Variants in VRK2 observed in about 807,000 individuals in gnomAD.
VRK2 encodes the protein VRK serine/threonine kinase 2, also known as serine/threonine-protein kinase VRK2.
A neutral mutation model predicts 57.6 loss-of-function variants in VRK2; 60 were observed. The observed-to-expected ratio is 1.04, with a 90% CI of 0.85 to 1.29. VRK2 has a LOEUF of 1.29. Ranked by LOEUF, VRK2 falls within the 50% of genes most tolerant of loss-of-function variation. The pLI, the probability that VRK2 is intolerant of heterozygous loss-of-function variation, is 0.00. For synonymous variants in VRK2, 231 were observed against 199.2 expected, an observed-to-expected ratio of 1.16 and a Z score of -1.35; for missense variants, 705 against 588.1, an observed-to-expected ratio of 1.20 and a Z score of -2.06.
intron 1 of VRK2, among the ~76,000 whole-genome samples, chr2:57,954,107 T>G (rs1268159366): frequency 1.3e-5 from 2 of 152,156 alleles, no homozygotes; most frequent in African/African-American, 4.8e-5. Context: ...ATATTTATAT[T>G]TCTGCCATCT....
rs545239464 is a variant in VRK2 at position 57,980,025 on chromosome 2, T to A, written c.-438-45640T>A. Among the ~76,000 whole-genome samples the A allele has an allele frequency of 4.8e-4, 73 of 152,288 alleles. 1 individual carries two copies. The highest frequency in any genetic ancestry group is 1.6e-3 in the African/African-American group (67 of 41,578). On this transcript the variant is annotated intron_variant, in intron 1 of 15. Transcript: ENST00000417641. Reference sequence around the variant, plus strand: ...TTGACTTTTTCCATGAATCTTTGCATCTCAACTTCGTTCAGTTCAGCTTTG... The same window carrying A: ...TTGACTTTTTCCATGAATCTTTGCAACTCAACTTCGTTCAGTTCAGCTTTG...
chr2:58,074,659 C>T lies in VRK2; in HGVS notation c.137-9430C>T, dbSNP rs575793848. On this transcript the variant is annotated intron_variant, in intron 2 of 12. Transcript: ENST00000340157. Reference sequence around the variant, plus strand: ...TGGTTATTTTGAATAAACTTTTTGCCAATTAAAATAAAAAAATAAGCTTTT... The same window carrying T: ...TGGTTATTTTGAATAAACTTTTTGCTAATTAAAATAAAAAAATAAGCTTTT... 2.6e-5 allele frequency among the ~76,000 whole-genome samples: 4 copies of T among 152,022 alleles called. No homozygotes were observed. In the South Asian group the frequency reaches 6.2e-4, roughly 24 times the overall value.
chr2:57,971,430 A>G (rs1423662445), intron 1 of VRK2, among the ~76,000 whole-genome samples: 1 of 151,976 alleles, frequency 6.6e-6, no homozygotes, highest in Non-Finnish European at 1.5e-5. Context: ...TATTCTTAGT[A>G]GGTAATGATG....
rs143117448 is a variant in VRK2 at position 58,088,930 on chromosome 2, G to T, written c.450+484G>T. The stretch of plus-strand genomic sequence containing the variant: ...GCAACGAACTCTTAATAGCACTCAG[G>T]CACACATTTGTTTATACTACATATT... On this transcript the variant is annotated intron_variant, in intron 6 of 12. Coordinates refer to ENST00000340157, the MANE Select transcript of VRK2 (RefSeq NM_006296.7). Among the ~76,000 whole-genome samples, 330 of 152,256 alleles carry T rather than the reference G, an allele frequency of 2.2e-3. 2 individuals carry two copies. Among genetic ancestry groups the T allele is most frequent in the Non-Finnish European group, 4.0e-3 (270 of 68,028 alleles).
intron 1 of VRK2, among the ~76,000 whole-genome samples, chr2:57,971,612 A>G (rs1368152133): frequency 1.3e-5 from 2 of 151,862 alleles, no homozygotes; most frequent in Non-Finnish European, 2.9e-5. Context: ...AGTACTTTGT[A>G]GGTAAAATAT....
intron 7 of VRK2, among the ~76,000 whole-genome samples, chr2:58,104,564 A>G (rs1558640743): frequency 6.6e-6 from 1 of 151,964 alleles, no homozygotes; most frequent in Non-Finnish European, 1.5e-5. Flanking sequence ...TAAATTGTAG[A>G]TGACACAAAC....
chr2:57,979,521 C>T (rs916469342), intron 1 of VRK2, among the ~76,000 whole-genome samples: 1 of 147,920 alleles, frequency 6.8e-6, no homozygotes, highest in Non-Finnish European at 1.5e-5. Context: ...GTGTCTCTGC[C>T]AGGTTTGGTA....
chr2:58,015,011 G>C (rs551436771), intron 1 of VRK2, among the ~76,000 whole-genome samples: 7 of 152,216 alleles, frequency 4.6e-5, no homozygotes, highest in Admixed American at 3.3e-4. Context: ...TAATACATTT[G>C]TGCAATTTTA....
chr2:58,022,418 C>G (rs959882602), intron 1 of VRK2, among the ~76,000 whole-genome samples: 1 of 152,096 alleles, frequency 6.6e-6, no homozygotes, highest in Non-Finnish European at 1.5e-5. Flanking sequence ...GCTGATGCTA[C>G]GTAGACATTA....
intron 1 of VRK2, among the ~76,000 whole-genome samples, chr2:57,992,328 C>A (rs1179221426): frequency 1.3e-5 from 2 of 152,074 alleles, no homozygotes. Flanking sequence ...TTTTGAAAGC[C>A]TGATTAATAG....
chr2:57,987,313 G>A (rs561245205), intron 1 of VRK2, among the ~76,000 whole-genome samples: 117 of 152,102 alleles, frequency 7.7e-4, no homozygotes, highest in Middle Eastern at 3.4e-3. Flanking sequence ...AACTCAGTAA[G>A]AAGACAAACA....
At chr2:57,998,505 A>T (rs1672993505) in intron 1 of VRK2, among the ~76,000 whole-genome samples, 1 of 152,212 alleles carries the variant, frequency 6.6e-6, no homozygotes. Context: ...ACAGGGAAAC[A>T]ATGGAAAACA....
At chr2:58,000,185 T>C (rs67919965) in intron 1 of VRK2, among the ~76,000 whole-genome samples, 26,373 of 152,150 alleles carry the variant, frequency 0.17, 2,925 homozygotes, top group African/African-American at 0.31. Context: ...AGACATAAAA[T>C]ATATGGCCAT....
chr2:57,912,608 T>C (rs764244919), intron 1 of VRK2, among the ~76,000 whole-genome samples: 6 of 152,148 alleles, frequency 3.9e-5, no homozygotes, highest in African/African-American at 7.2e-5. Context: ...CCAAGAAATT[T>C]TGTATAAAGA....
At chr2:57,923,709 C>T (rs778018374) in intron 1 of VRK2, among the ~76,000 whole-genome samples, 9 of 151,762 alleles carry the variant, frequency 5.9e-5, no homozygotes, top group Non-Finnish European at 1.0e-4. Context: ...GTTTCCTTTG[C>T]TGTGCTGAAG....
chr2:58,153,136 A>G (rs1421087193), intron 12 of VRK2, among the ~76,000 whole-genome samples: 2 of 152,038 alleles, frequency 1.3e-5, no homozygotes, highest in Non-Finnish European at 1.5e-5. Context: ...TGAGTGTATC[A>G]TATAAATCAA....
At chr2:58,116,255 T>C (rs74450813) in intron 7 of VRK2, among the ~76,000 whole-genome samples, 2 of 151,960 alleles carry the variant, frequency 1.3e-5, no homozygotes, top group African/African-American at 2.4e-5. Context: ...AGGTATCTTA[T>C]ACTTGTGGGT....
chr2:58,152,933 A>G (rs1229003087), intron 12 of VRK2, among the ~76,000 whole-genome samples: 2 of 151,892 alleles, frequency 1.3e-5, no homozygotes, highest in East Asian at 1.9e-4. Context: ...GATATCACCA[A>G]TTTTGACATG....
At chr2:58,055,293 A>C (rs931536018) in intron 2 of VRK2, among the ~76,000 whole-genome samples, 3 of 152,176 alleles carry the variant, frequency 2.0e-5, no homozygotes, top group African/African-American at 7.2e-5. Context: ...CCAGTATGTG[A>C]ATCAAGTTTA....
Sources: gnomAD v4.1 joint callset for allele counts (sites outside exome capture counted in the v4.1 genomes callset) on GRCh38, gnomAD v4.1.1 for gene constraint, MANE v1.5 for transcripts, NCBI Gene and HGNC (gene_info 2026-07-23, HGNC 2026-07-21) for gene names.